Variants in PTPN11 observed in about 807,000 individuals in gnomAD.
The protein encoded by PTPN11 is protein tyrosine phosphatase non-receptor type 11, also known as tyrosine-protein phosphatase non-receptor type 11.
Under a neutral mutation model 78.8 loss-of-function variants are expected in PTPN11, and 6 were observed. The observed-to-expected ratio is 0.08, with a 90% CI of 0.04 to 0.15. The LOEUF (loss-of-function observed/expected upper bound fraction) is 0.15, where lower values mean the gene tolerates loss of function less well. PTPN11 is among the 10% of genes least tolerant of loss of function. The pLI, the probability that PTPN11 is intolerant of heterozygous loss-of-function variation, is 1.00. For synonymous variants in PTPN11, 221 were observed against 263.5 expected, an observed-to-expected ratio of 0.84 and a Z score of 1.56; for missense variants, 386 against 744.8, an observed-to-expected ratio of 0.52 and a Z score of 5.61.
chr12:112,504,568 C>T lies in PTPN11; in HGVS notation c.1713-127C>T. On this transcript the variant is annotated intron_variant, in intron 14 of 15. Coordinates refer to ENST00000351677, the MANE Select transcript of PTPN11 (RefSeq NM_002834.5). The surrounding 1 kb of genome is among the most constrained non-coding windows in gnomAD (Gnocchi z 4.7). The stretch of plus-strand genomic sequence containing the variant: ...CTCCCTGGGAATGTCAGGTCCTAGG[C>T]ACAGGAACTGTGTCTGTACCATATC... 1.4e-6 allele frequency: 1 copy of T among 724,062 alleles called. No homozygotes were observed. The highest frequency in any genetic ancestry group is 2.5e-6 in the Non-Finnish European group (1 of 404,578). The allele number at this position is 724,062 out of a possible 1,614,324, so 44.9% of individuals were successfully genotyped here. A position where few individuals can be genotyped will look rare whatever the true frequency, so the allele number is the denominator to read the frequency against.
Position 112,419,751 on chromosome 12 carries a change from A to G in PTPN11, c.14+626A>G, listed in dbSNP as rs545216846. Among the ~76,000 whole-genome samples the G allele has an allele frequency of 2.6e-5, 4 of 152,348 alleles. No individual in the cohort carries two copies. In the East Asian group the frequency reaches 5.8e-4, roughly 22 times the overall value. Reference sequence around the variant, plus strand: ...GCGATCTTCGCTTTGGGAGATGGAAAGGAAGGGAGCCGCATCTCGTTATTT... The same window carrying G: ...GCGATCTTCGCTTTGGGAGATGGAAGGGAAGGGAGCCGCATCTCGTTATTT... On this transcript the variant is annotated intron_variant, in intron 1 of 15. Coordinates refer to ENST00000351677, the MANE Select transcript of PTPN11 (RefSeq NM_002834.5).
At chr12:112,469,105 G>A (rs2038373601) in intron 6 of PTPN11, among the ~76,000 whole-genome samples, 1 of 152,154 alleles carries the variant, frequency 6.6e-6, no homozygotes, top group South Asian at 2.1e-4. Context: ...TGGCAGACCT[G>A]ATGATGGGTG....
At chr12:112,444,878 A>T (rs916618931) in intron 1 of PTPN11, among the ~76,000 whole-genome samples, 13 of 152,042 alleles carry the variant, frequency 8.6e-5, no homozygotes, top group Non-Finnish European at 1.8e-4. Flanking sequence ...TCATCTTCTT[A>T]CTTTTACTGC....
intron 13 of PTPN11, among the ~76,000 whole-genome samples, chr12:112,493,219 C>G (rs907631153): frequency 6.6e-6 from 1 of 151,984 alleles, no homozygotes; most frequent in East Asian, 1.9e-4. Context: ...CCATCACACC[C>G]GGCTAATTTT....
intron 13 of PTPN11, among the ~76,000 whole-genome samples, chr12:112,492,581 A>G (rs1484861643): frequency 2.0e-5 from 3 of 151,266 alleles, no homozygotes; most frequent in Middle Eastern, 6.8e-3. Flanking sequence ...GCAGTGGTGC[A>G]ATCTCGGGTC....
Position 112,486,609 on chromosome 12 carries a change from G to A in PTPN11, c.1359G>A (p.Gly453=), listed in dbSNP as rs2135912904. 1 of 1,612,974 alleles carries A rather than the reference G, an allele frequency of 6.2e-7. No homozygotes were observed. The change falls in exon 11 of 16, where the codon GGG becomes GGA. Residue 453 remains glycine (G), a synonymous_variant. Coordinates refer to ENST00000351677, the MANE Select transcript of PTPN11 (RefSeq NM_002834.5). ...HHKQESIMDA[G]PVVVHCSAGI... ...AGCAGGAGAGCATCATGGATGCAGGGCCGGTCGTGGTGCACTGCAGGTGAC... is the reference window on the plus strand; with the variant it reads ...AGCAGGAGAGCATCATGGATGCAGGACCGGTCGTGGTGCACTGCAGGTGAC...
chr12:112,485,113 G>A (rs1429896899), intron 10 of PTPN11, among the ~76,000 whole-genome samples: 2 of 151,938 alleles, frequency 1.3e-5, no homozygotes, highest in African/African-American at 4.8e-5. Context: ...TTAGCTGGAT[G>A]TGGTACATGC....
chr12:112,441,583 C>T (rs1390768597), intron 1 of PTPN11, among the ~76,000 whole-genome samples: 4 of 151,912 alleles, frequency 2.6e-5, no homozygotes, highest in Non-Finnish European at 5.9e-5. Context: ...TTGTAAGATA[C>T]TTGAATTGGG....
intron 13 of PTPN11, among the ~76,000 whole-genome samples, chr12:112,500,654 T>G (rs1242827053): frequency 1.3e-5 from 2 of 152,192 alleles, no homozygotes; most frequent in Non-Finnish European, 1.5e-5. Context: ...TGCAGTGGCC[T>G]GATCTTGGCT....
intron 1 of PTPN11, among the ~76,000 whole-genome samples, chr12:112,432,021 GA>G (rs990402824): frequency 3.3e-5 from 5 of 151,720 alleles, no homozygotes; most frequent in African/African-American, 9.7e-5. Flanking sequence ...AAATCAGTAA[GA>G]AAAAAAATCT....
At chr12:112,447,799 CTT>C (rs77664062) in intron 2 of PTPN11, among the ~76,000 whole-genome samples, 35 of 131,670 alleles carry the variant, frequency 2.7e-4, no homozygotes, top group Admixed American at 4.7e-4. Flanking sequence ...CATGCCTGGC[CTT>C]TTTTTTTTTT....
intron 1 of PTPN11, among the ~76,000 whole-genome samples, chr12:112,425,466 C>T (rs1184312363): frequency 6.6e-6 from 1 of 151,890 alleles, no homozygotes. Context: ...TAAACTTATT[C>T]CCCAAGAACA....
At chr12:112,451,663 A>C (rs1335948426) in intron 3 of PTPN11, among the ~76,000 whole-genome samples, 2 of 152,214 alleles carry the variant, frequency 1.3e-5, no homozygotes, top group South Asian at 2.1e-4. Context: ...TTTTACTCCA[A>C]GTCTTATGTG....
chr12:112,423,898 G>C lies in PTPN11; in HGVS notation c.14+4773G>C, dbSNP rs74670976. Among the ~76,000 whole-genome samples the C allele has an allele frequency of 6.1e-3, 918 of 151,706 alleles. 11 individuals carry two copies. Among genetic ancestry groups the C allele is most frequent in the African/African-American group, 0.021 (854 of 41,346 alleles). ...AGTAGCTGGGACTGACTACAGGCAC[G>C]TGGCATCAAACTTGTCCAATTTTTC... is the stretch of plus-strand genomic sequence containing the variant. On this transcript the variant is annotated intron_variant, in intron 1 of 15. Coordinates refer to ENST00000351677, the MANE Select transcript of PTPN11 (RefSeq NM_002834.5).
chr12:112,455,871 G>GTTTTT (rs140552217), intron 5 of PTPN11, 79 bp from the exon 6 acceptor site: 2 of 682,254 alleles, frequency 2.9e-6, no homozygotes, highest in Non-Finnish European at 2.5e-6. Flanking sequence ...ACATAGACAT[G>GTTTTT]TTTTTTTTTT....
At chr12:112,437,663 G>C (rs1943126454) in intron 1 of PTPN11, among the ~76,000 whole-genome samples, 1 of 152,130 alleles carries the variant, frequency 6.6e-6, no homozygotes, top group Non-Finnish European at 1.5e-5. Flanking sequence ...TTTGTAAAAG[G>C]AAGTTGGAAG....
intron 6 of PTPN11, among the ~76,000 whole-genome samples, chr12:112,467,193 C>T (rs1254520285): frequency 2.6e-5 from 4 of 152,090 alleles, no homozygotes; most frequent in South Asian, 2.1e-4. Context: ...TCAGTAGTGC[C>T]GTTGGGTACT....
At chr12:112,488,388 C>A (rs916103771) in intron 11 of PTPN11, 55 bp from the exon 12 acceptor site, 1 of 1,433,152 alleles carries the variant, frequency 7.0e-7, no homozygotes, top group Non-Finnish European at 9.8e-7. Context: ...GGTTTTGAGT[C>A]TGAAACCCCC....
At chr12:112,453,650 T>G (rs1207320273) in intron 4 of PTPN11, among the ~76,000 whole-genome samples, 1 of 151,616 alleles carries the variant, frequency 6.6e-6, no homozygotes. Context: ...TTTTCTGTTT[T>G]TTTTTTTTTT....
Sources: allele counts gnomAD v4.1 joint callset (sites outside exome capture counted in the v4.1 genomes callset), GRCh38; gene constraint gnomAD v4.1.1; non-coding constraint Gnocchi (gnomAD v3.1); transcripts MANE v1.5; gene names NCBI Gene and HGNC (gene_info 2026-07-23, HGNC 2026-07-21).